Variants in LSAMP observed in about 807,000 individuals in gnomAD.
LSAMP encodes limbic system-associated membrane protein.
In LSAMP, 7 loss-of-function variants were observed where a neutral mutation model predicts 38.6. The ratio of observed to expected loss-of-function variants is 0.18; its 90% confidence interval spans 0.10 to 0.34. The LOEUF is 0.34. Among genes scored for constraint, LSAMP ranks in the 10% least tolerant of loss-of-function variants. The pLI, the probability that LSAMP is intolerant of heterozygous loss-of-function variation, is 1.00. For missense variants in LSAMP, 313 were observed against 420.0 expected (o/e 0.75, Z 2.23); for synonymous variants, 154 against 166.8 (o/e 0.92, Z 0.59).
intron 1 of LSAMP, among the ~76,000 whole-genome samples, chr3:116,188,818 C>T (rs1211714898): frequency 6.6e-6 from 1 of 152,168 alleles, no homozygotes; most frequent in Admixed American, 6.5e-5. Flanking sequence ...ACAAAGCTCA[C>T]ATATACTCAG....
chr3:116,202,087 C>A (rs564744952), intron 1 of LSAMP, among the ~76,000 whole-genome samples: 2 of 151,938 alleles, frequency 1.3e-5, no homozygotes, highest in East Asian at 3.9e-4. Flanking sequence ...CCCACCAGTC[C>A]ACACTCTTCT....
chr3:115,932,973 C>T (rs1052653540), intron 3 of LSAMP, among the ~76,000 whole-genome samples: 2 of 152,054 alleles, frequency 1.3e-5, no homozygotes, highest in South Asian at 2.1e-4. Context: ...AGGAGGGAAG[C>T]GAAACTGAAC....
At chr3:116,115,179 A>G (rs1708714087) in intron 1 of LSAMP, among the ~76,000 whole-genome samples, 2 of 152,256 alleles carry the variant, frequency 1.3e-5, no homozygotes, top group South Asian at 4.1e-4. Context: ...CATTTGCATT[A>G]CTTTCAATGC....
At chr3:115,969,368 G>T (rs1352144209) in intron 3 of LSAMP, among the ~76,000 whole-genome samples, 1 of 152,118 alleles carries the variant, frequency 6.6e-6, no homozygotes, top group Non-Finnish European at 1.5e-5. Context: ...TTTAGAGTTT[G>T]GTATGTGTGT....
chr3:116,232,725 T>C (rs2046417501), intron 1 of LSAMP, among the ~76,000 whole-genome samples: 1 of 87,300 alleles, frequency 1.1e-5, no homozygotes, highest in African/African-American at 3.4e-5. Context: ...TTCCAGCAGG[T>C]AGATTTGCTG....
intron 1 of LSAMP, among the ~76,000 whole-genome samples, chr3:116,189,031 G>A (rs1314986353): frequency 1.3e-5 from 2 of 152,160 alleles, no homozygotes; most frequent in African/African-American, 4.8e-5. Context: ...CTGGAAACAC[G>A]ATAATAAAGA....
intron 3 of LSAMP, among the ~76,000 whole-genome samples, chr3:115,908,528 C>T (rs1444827259): frequency 6.6e-6 from 1 of 152,076 alleles, no homozygotes; most frequent in Non-Finnish European, 1.5e-5. Context: ...TGTTCTGATC[C>T]TCCAAAAGCC....
chr3:116,164,168 T>C (rs1454764274), intron 1 of LSAMP, among the ~76,000 whole-genome samples: 1 of 152,174 alleles, frequency 6.6e-6, no homozygotes, highest in Non-Finnish European at 1.5e-5. Context: ...TACACCATGC[T>C]TCTTAAATTC....
At chr3:116,020,059 A>AACAATG (rs1940595379) in intron 2 of LSAMP, among the ~76,000 whole-genome samples, 1 of 152,196 alleles carries the variant, frequency 6.6e-6, no homozygotes, top group African/African-American at 2.4e-5. Flanking sequence ...GCAAAAGAAA[A>AACAATG]ACAATGCTAT....
chr3:115,996,597 C>G (rs1038852795), intron 3 of LSAMP, among the ~76,000 whole-genome samples: 1 of 151,756 alleles, frequency 6.6e-6, no homozygotes, highest in Non-Finnish European at 1.5e-5. Context: ...TGTGAAATGA[C>G]TCAATTTTTA....
intron 3 of LSAMP, among the ~76,000 whole-genome samples, chr3:115,942,181 G>C (rs192663636): frequency 6.6e-6 from 1 of 152,182 alleles, no homozygotes; most frequent in Admixed American, 6.5e-5. Context: ...AATGGAAGGA[G>C]AAGTTAAGGA....
rs1338472810 is a variant in LSAMP at position 115,807,849 on chromosome 3, A to G, written c.*2468T>C. 1 of 152,078 alleles carries G rather than the reference A, an allele frequency of 6.6e-6. No homozygotes were observed. The highest frequency in any genetic ancestry group is 1.5e-5 in the Non-Finnish European group (1 of 68,016). 9.4% of individuals were successfully genotyped at this position (152,078 alleles called of 1,614,324 possible). On this transcript the variant is annotated 3_prime_UTR_variant, in exon 7 of 7. Transcript: ENST00000490035. ...TAGGAATATGGCTCACCTTCCCTAT[A>G]TTTTACTAGCTACCTTCTTGGATGA... is the stretch of plus-strand genomic sequence containing the variant.
chr3:116,227,558 TC>T (rs1168318147), intron 1 of LSAMP, among the ~76,000 whole-genome samples: 1 of 152,210 alleles, frequency 6.6e-6, no homozygotes, highest in Non-Finnish European at 1.5e-5. Flanking sequence ...CATATGTTTT[TC>T]AGTCAACCTA....
chr3:116,065,685 A>G (rs1260680139), intron 2 of LSAMP, among the ~76,000 whole-genome samples: 1 of 152,260 alleles, frequency 6.6e-6, no homozygotes, highest in Non-Finnish European at 1.5e-5. Context: ...GTTTCTCCAG[A>G]TGGCTATTTC....
At chr3:116,234,449 A>G (rs1036020444) in intron 1 of LSAMP, among the ~76,000 whole-genome samples, 2 of 151,486 alleles carry the variant, frequency 1.3e-5, no homozygotes, top group African/African-American at 4.8e-5. Flanking sequence ...TCATCTATTT[A>G]TGAAATATAT....
intron 3 of LSAMP, among the ~76,000 whole-genome samples, chr3:116,000,161 T>C (rs1178465786): frequency 6.6e-6 from 1 of 152,200 alleles, no homozygotes; most frequent in African/African-American, 2.4e-5. Flanking sequence ...AGTCACTTAA[T>C]GCCTCTACTC....
At chr3:116,019,737 T>A in intron 2 of LSAMP, 97 bp from the exon 3 acceptor site, 1 of 1,315,746 alleles carries the variant, frequency 7.6e-7, no homozygotes, top group Non-Finnish European at 1.1e-6. Context: ...TTTTATAACT[T>A]AATTTGAATT....
At chr3:116,424,925 G>T (rs2049174792) in intron 1 of LSAMP, among the ~76,000 whole-genome samples, 1 of 151,090 alleles carries the variant, frequency 6.6e-6, no homozygotes, top group African/African-American at 2.4e-5. Flanking sequence ...CAGCTTTATT[G>T]ATAGGAAAGG....
intron 3 of LSAMP, among the ~76,000 whole-genome samples, chr3:115,864,022 G>A (rs1040049453): frequency 2.6e-5 from 4 of 152,068 alleles, no homozygotes; most frequent in Admixed American, 6.6e-5. Flanking sequence ...CTATCCATGG[G>A]CATTGTGTGT....
Sources: allele counts gnomAD v4.1 joint callset (sites outside exome capture counted in the v4.1 genomes callset), GRCh38; gene constraint gnomAD v4.1.1; transcripts MANE v1.5; gene names NCBI Gene and HGNC (gene_info 2026-07-23, HGNC 2026-07-21).